The following FYCO1 variants were observed in gnomAD, a reference collection of about 807,000 sequenced individuals.
FYCO1 encodes the protein FYVE and coiled-coil domain-containing protein 1.
A neutral mutation model predicts 165.1 loss-of-function variants in FYCO1; 122 were observed. The observed-to-expected ratio is 0.74, with a 90% CI of 0.64 to 0.86. FYCO1 has a LOEUF of 0.86. Among genes scored for constraint, FYCO1 ranks in the 40% least tolerant of loss-of-function variants. The pLI, the probability that FYCO1 is intolerant of heterozygous loss-of-function variation, is 0.00. For missense variants in FYCO1, 1,702 were observed against 1,810.3 expected (o/e 0.94, Z 1.09); for synonymous variants, 648 against 742.5 (o/e 0.87, Z 2.07).
chr3:45,958,300 G>T, intron 13 of FYCO1, 108 bp downstream of exon 13: 1 of 985,194 alleles, frequency 1.0e-6, no homozygotes, highest in Non-Finnish European at 1.6e-6. Context: ...TAATACCTAA[G>T]TTTAGAAAAC....
intron 8 of FYCO1, among the ~76,000 whole-genome samples, chr3:45,965,492 A>T (rs1367147763): frequency 1.3e-5 from 2 of 152,154 alleles, no homozygotes; most frequent in African/African-American, 4.8e-5. Flanking sequence ...ATGCAGACAG[A>T]CTAGTGGCAA....
chr3:45,987,710 A>C (rs1050897266), intron 1 of FYCO1, among the ~76,000 whole-genome samples: 1 of 152,036 alleles, frequency 6.6e-6, no homozygotes, highest in Non-Finnish European at 1.5e-5. Flanking sequence ...CTGTGTGTAC[A>C]CTTCTGACCA....
At chr3:45,966,049 ACTT>A (rs1463343365) in intron 8 of FYCO1, among the ~76,000 whole-genome samples, 1 of 152,178 alleles carries the variant, frequency 6.6e-6, no homozygotes, top group Non-Finnish European at 1.5e-5. Context: ...TTGAGTTTAA[ACTT>A]CTGGGCTAAG....
In FYCO1 at chr3:45,918,158, T is replaced by C. The variant is rs1314707572; in HGVS notation, c.*3607A>G. 3.3e-5 allele frequency: 5 copies of C among 152,656 alleles called. No individual in the cohort carries two copies. The highest frequency in any genetic ancestry group is 7.2e-5 in the African/African-American group (3 of 41,458). 9.5% of individuals were successfully genotyped at this position (152,656 alleles called of 1,614,324 possible). On this transcript the variant is annotated 3_prime_UTR_variant, in exon 18 of 18. Coordinates refer to ENST00000296137, the MANE Select transcript of FYCO1 (RefSeq NM_024513.4). Reference sequence around the variant, plus strand: ...ATCAATTAAAGTGCAATTCCAAATGTTGAGCCTTCCAAATGAGGCTTGGGT... The same window carrying C: ...ATCAATTAAAGTGCAATTCCAAATGCTGAGCCTTCCAAATGAGGCTTGGGT...
intron 17 of FYCO1, among the ~76,000 whole-genome samples, chr3:45,922,638 C>T (rs532240906): frequency 6.6e-6 from 1 of 152,274 alleles, no homozygotes; most frequent in East Asian, 1.9e-4. Context: ...GGGGTGCTTT[C>T]ATTTCCACTT....
intron 6 of FYCO1, among the ~76,000 whole-genome samples, chr3:45,972,236 G>C (rs1466243939): frequency 6.6e-5 from 10 of 152,158 alleles, no homozygotes; most frequent in Non-Finnish European, 1.5e-4. Context: ...TAGGAGGATA[G>C]CTTGAGCCCA....
chr3:45,994,805 T>C (rs1268964819), intron 1 of FYCO1, among the ~76,000 whole-genome samples: 30 of 152,106 alleles, frequency 2.0e-4, no homozygotes, highest in Non-Finnish European at 2.9e-5. Context: ...CCCTGACCCA[T>C]TTCTCTGTCG....
At position 45,968,554 on chromosome 3, in the gene FYCO1, G is replaced by A; in HGVS notation, c.780C>T (p.Asn260=). Residue 260 remains asparagine, a synonymous_variant, in exon 8 of 18, where the codon AAC becomes AAT. Transcript: ENST00000296137. ...RERMQQLDRE[N]QELRAAVSQQ... ...GGCTGACAGCTGCCCTCAGCTCCTG[G>A]TTCTCTCTGTCCAGCTGCTGCATGC... 1 of 1,613,922 alleles carries A rather than the reference G, an allele frequency of 6.2e-7. No individual in the cohort carries two copies. Among genetic ancestry groups the A allele is most frequent in the Non-Finnish European group, 8.5e-7 (1 of 1,180,018 alleles).
rs762961354 is a variant in FYCO1, at chr3:45,981,625, G to A, written c.107C>T (p.Thr36Met). The A allele has an allele frequency of 5.2e-5, 84 of 1,613,908 alleles. No homozygotes were observed. Among genetic ancestry groups the A allele is most frequent in the Middle Eastern group, 1.6e-4 (1 of 6,084 alleles). The change falls in exon 3 of 18, where the codon ACG becomes ATG. Residue 36 changes from threonine to methionine, a missense_variant. Transcript: ENST00000296137. ...KEFQEAGEPI[T>M]DDSTSLHKFS... ...TTTATGCAAGCTGGTGCTGTCATCC[G>A]TGATGGGTTCCCCTGCTTCCTGAAA...
At chr3:45,979,194 C>A (rs932072631) in intron 4 of FYCO1, among the ~76,000 whole-genome samples, 32 of 152,196 alleles carry the variant, frequency 2.1e-4, no homozygotes, top group African/African-American at 7.7e-4. Flanking sequence ...AAAGCCATGG[C>A]ATTTTGCTCT....
rs1394215960 is a variant in FYCO1, at chr3:45,966,968, T to G, written c.2366A>C (p.Gln789Pro). 1 of 1,613,472 alleles carries G rather than the reference T, an allele frequency of 6.2e-7. No individual in the cohort carries two copies. Among genetic ancestry groups the G allele is most frequent in the Non-Finnish European group, 8.5e-7 (1 of 1,180,014 alleles). ...EVHQGEVQRLQAQVVDLQAKM... is the reference protein window; with the variant it reads ...EVHQGEVQRLPAQVVDLQAKM... ...GGCCTGGAGGTCCACCACCTGAGCC[T>G]GCAGCCGTTGGACCTCCCCCTGATG... Residue 789 changes from glutamine (Q) to proline (P), a missense_variant, in exon 8 of 18, where the codon CAG (glutamine) becomes CCG (proline). Physicochemically the swap from Gln to Pro is moderately conservative, Grantham distance 76. Coordinates refer to ENST00000296137, the MANE Select transcript of FYCO1 (RefSeq NM_024513.4).
intron 4 of FYCO1, among the ~76,000 whole-genome samples, chr3:45,979,363 G>A (rs1706930324): frequency 2.0e-5 from 3 of 151,632 alleles, no homozygotes; most frequent in South Asian, 4.2e-4. Flanking sequence ...CAGAAAATGA[G>A]TTTTTTAAAA....
At chr3:45,946,727 C>T in intron 14 of FYCO1, 1 of 1,614,240 alleles carries the variant, frequency 6.2e-7, no homozygotes, top group Non-Finnish European at 8.5e-7. Flanking sequence ...TGTTTGTCTG[C>T]ACTCTGCCCT....
At chr3:45,991,711 A>G (rs1004247766) in intron 1 of FYCO1, among the ~76,000 whole-genome samples, 8 of 136,314 alleles carry the variant, frequency 5.9e-5, no homozygotes, top group African/African-American at 2.0e-4. Context: ...ATCCTGGAAA[A>G]TGAAAAGCAC....
intron 1 of FYCO1, among the ~76,000 whole-genome samples, chr3:45,994,744 CAGG>C (rs901036476): frequency 2.0e-5 from 3 of 151,806 alleles, no homozygotes; most frequent in African/African-American, 7.3e-5. Context: ...CCTGCACGGG[CAGG>C]AGAACCAGTG....
rs372062405 is a variant in FYCO1, at chr3:45,967,545, C to T, written c.1789G>A (p.Glu597Lys). ...ACCTTGGTATCGTCTAACTGTGCCT[C>T]CTGCAGGCCCCTCTGCTCCTCCTCT... ...KPEEEQRGLQ[E>K]AQLDDTKVQE... Residue 597 changes from glutamate (E) to lysine (K), a missense_variant, in exon 8 of 18, where the codon GAG becomes AAG. Physicochemically the swap from Glu to Lys is moderately conservative, Grantham distance 56. Coordinates refer to ENST00000296137, the MANE Select transcript of FYCO1 (RefSeq NM_024513.4). The T allele has an allele frequency of 1.2e-5, 20 of 1,613,826 alleles. No individual in the cohort carries two copies. Among genetic ancestry groups the T allele is most frequent in the Admixed American group, 8.3e-5 (5 of 60,008 alleles).
At chr3:45,984,561 C>T in intron 2 of FYCO1, 1 of 530,996 alleles carries the variant, frequency 1.9e-6, no homozygotes, top group Admixed American at 3.1e-5. Context: ...TAACAGGCAG[C>T]TTCAAAACAC....
chr3:45,975,458 A>T, intron 4 of FYCO1, 113 bp from the exon 5 acceptor site: 1 of 742,338 alleles, frequency 1.3e-6, no homozygotes, highest in East Asian at 2.7e-5. Context: ...ATGTCACCCA[A>T]TTTTACCCTA....
At chr3:45,958,752 GC>G in intron 12 of FYCO1, 133 bp from the exon 13 acceptor site, 1 of 814,216 alleles carries the variant, frequency 1.2e-6, no homozygotes, top group Non-Finnish European at 2.1e-6. Context: ...TTAGGATGTG[GC>G]CATGAGCTCA....
Sources: allele counts gnomAD v4.1 joint callset (sites outside exome capture counted in the v4.1 genomes callset), GRCh38; gene constraint gnomAD v4.1.1; transcripts MANE v1.5; gene names NCBI Gene and HGNC (gene_info 2026-07-23, HGNC 2026-07-21).